Variants in WDPCP observed in about 807,000 individuals in gnomAD.
WDPCP encodes WD repeat containing planar cell polarity effector.
In WDPCP, 71 loss-of-function variants were observed where a neutral mutation model predicts 93.1. That is an observed-to-expected ratio of 0.76 (90% CI 0.63 to 0.93). The LOEUF is 0.93. Among genes scored for constraint, WDPCP ranks in the 40% least tolerant of loss-of-function variants. The probability of loss-of-function intolerance (pLI) is 0.00; values close to 1 mark genes in which losing one functional copy is unlikely to be tolerated. For missense variants in WDPCP, 844 were observed against 887.4 expected, an observed-to-expected ratio of 0.95 and a Z score of 0.62; for synonymous variants, 315 against 315.0, an observed-to-expected ratio of 1.00 and a Z score of 0.00.
chr2:63,735,535 G>A (rs1021701788), intron 2 of WDPCP, among the ~76,000 whole-genome samples: 1 of 152,156 alleles, frequency 6.6e-6, no homozygotes, highest in Non-Finnish European at 1.5e-5. Context: ...ATTTTATATT[G>A]TAGCCAACAG....
intron 14 of WDPCP, chr2:63,233,506 C>T (rs1336304956): frequency 4.0e-5 from 7 of 174,330 alleles, no homozygotes; most frequent in East Asian, 3.1e-4. Context: ...TTTCTCCAAT[C>T]GGTAAAACTT....
At chr2:63,249,101 G>GGTGT (rs1379587773) in intron 14 of WDPCP, among the ~76,000 whole-genome samples, 1 of 151,494 alleles carries the variant, frequency 6.6e-6, no homozygotes, top group Non-Finnish European at 1.5e-5. Flanking sequence ...TGCCTTGTGG[G>GGTGT]GTGTGTGTGT....
At chr2:63,400,548 G>A (rs2176414) in intron 10 of WDPCP, among the ~76,000 whole-genome samples, 63,241 of 151,920 alleles carry the variant, frequency 0.42, 13,409 homozygotes, top group Non-Finnish European at 0.43. Flanking sequence ...AAACAAACCC[G>A]TTAAAAAGTA....
rs991874218 is a variant in WDPCP, at chr2:63,814,955, C to T, written n.223-1248G>A. On this transcript the variant is annotated intron_variant and non_coding_transcript_variant, in intron 1 of 4. Transcript: ENST00000467687. Reference sequence around the variant, plus strand: ...CAGAATAAACTTCCAAATTTATTTACCTAGAAGTTTCAAAGTAATTCTATT... The same window carrying T: ...CAGAATAAACTTCCAAATTTATTTATCTAGAAGTTTCAAAGTAATTCTATT... Among the ~76,000 whole-genome samples, 3 of 152,168 alleles carry T rather than the reference C, an allele frequency of 2.0e-5. No homozygotes were observed. In the East Asian group the frequency reaches 5.8e-4, roughly 29 times the overall value.
At chr2:63,301,302 G>C (rs11675647) in intron 13 of WDPCP, among the ~76,000 whole-genome samples, 119,350 of 152,164 alleles carry the variant, frequency 0.78, 47,384 homozygotes, top group East Asian at 0.96. Flanking sequence ...CAGGAAAATG[G>C]CCATTCAGTC....
At chr2:63,325,098 G>A (rs1687432368) in intron 12 of WDPCP, among the ~76,000 whole-genome samples, 1 of 152,148 alleles carries the variant, frequency 6.6e-6, no homozygotes, top group Admixed American at 6.5e-5. Flanking sequence ...CAACCTCGGG[G>A]TTCTATAATA....
chr2:63,688,874 T>A (rs959715382), intron 2 of WDPCP, among the ~76,000 whole-genome samples: 1 of 152,178 alleles, frequency 6.6e-6, no homozygotes, highest in Non-Finnish European at 1.5e-5. Context: ...GAGGTTTCTG[T>A]CCTCATGAAT....
chr2:63,684,711 T>A, intron 2 of WDPCP: 1 of 645,444 alleles, frequency 1.5e-6, no homozygotes, highest in Admixed American at 1.8e-5. Flanking sequence ...AAGCTGCGGT[T>A]TTAGATGCTT....
intron 14 of WDPCP, among the ~76,000 whole-genome samples, chr2:63,190,093 GA>G (rs1293899035): frequency 2.0e-5 from 3 of 152,072 alleles, no homozygotes; most frequent in Non-Finnish European, 4.4e-5. Flanking sequence ...ACAGGGTGGG[GA>G]GAGGGGGCAG....
chr2:63,152,189 A>T (rs932976688), intron 17 of WDPCP, among the ~76,000 whole-genome samples: 5 of 152,064 alleles, frequency 3.3e-5, no homozygotes, highest in Non-Finnish European at 4.4e-5. Context: ...ATAATTTCAA[A>T]CATATACCAA....
chr2:63,837,587 T>C, the WDPCP span, among the ~76,000 whole-genome samples: 4 of 152,344 alleles, frequency 2.6e-5, no homozygotes, highest in South Asian at 2.1e-4. Context: ...ACCACACACA[T>C]TGATGATCTG....
chr2:63,335,922 C>T (rs188262481), intron 12 of WDPCP, among the ~76,000 whole-genome samples: 45 of 152,282 alleles, frequency 3.0e-4, no homozygotes, highest in Admixed American at 2.0e-3. Context: ...GCAACGAGAG[C>T]GACCTCTGGT....
At chr2:63,616,614 G>A (rs1709675543) in intron 3 of WDPCP, among the ~76,000 whole-genome samples, 1 of 152,170 alleles carries the variant, frequency 6.6e-6, no homozygotes, top group South Asian at 2.1e-4. Context: ...TGCCAATAAT[G>A]TTGATTAGTG....
rs181597568 is a variant in WDPCP at position 63,390,911 on chromosome 2, C to A, written c.1436-8817G>T. ...AGGCAATAATTAATAGCCTACCAAC[C>A]AAAAAGTGTCCAGAACCAGACGGAT... On this transcript the variant is annotated intron_variant, in intron 10 of 17. Coordinates refer to ENST00000272321, the MANE Select transcript of WDPCP (RefSeq NM_015910.7). Among the ~76,000 whole-genome samples, 210 of 152,156 alleles carry A rather than the reference C, an allele frequency of 1.4e-3. No individual in the cohort carries two copies. In the Middle Eastern group the frequency reaches 0.017, roughly 12 times the overall value.
Position 63,676,528 on chromosome 2 carries a change from CA to C in WDPCP, n.309-25691del, listed in dbSNP as rs544733748. Among the ~76,000 whole-genome samples the C allele has an allele frequency of 9.2e-5, 14 of 151,564 alleles. No individual in the cohort carries two copies. In the East Asian group the frequency reaches 2.7e-3, roughly 29 times the overall value. On this transcript the variant is annotated intron_variant and non_coding_transcript_variant, in intron 2 of 4. Transcript: ENST00000467687. The stretch of plus-strand genomic sequence containing the variant: ...AAAAATTTATCAGTGCCCCATAGTT[CA>C]AAAAATCTCTACAAAATTATGCTGA...
intron 3 of WDPCP, among the ~76,000 whole-genome samples, chr2:63,631,486 AAAC>A (rs1311870207): frequency 6.6e-6 from 1 of 152,118 alleles, no homozygotes; most frequent in East Asian, 1.9e-4. Flanking sequence ...GAAAATAGAA[AAAC>A]AATAGGGAGA....
chr2:63,237,420 T>G (rs1679495003), intron 14 of WDPCP, among the ~76,000 whole-genome samples: 1 of 152,128 alleles, frequency 6.6e-6, no homozygotes, highest in African/African-American at 2.4e-5. Flanking sequence ...GAAAGCAGTT[T>G]GGAGATTTCT....
At chr2:63,362,244 A>G (rs1328253762) in intron 12 of WDPCP, among the ~76,000 whole-genome samples, 2 of 76,206 alleles carry the variant, frequency 2.6e-5, no homozygotes, top group Non-Finnish European at 5.2e-5. Flanking sequence ...ATCCTGGTAA[A>G]ATCGGTAGAA....
intron 14 of WDPCP, among the ~76,000 whole-genome samples, chr2:63,213,425 T>C (rs536045801): frequency 1.4e-4 from 21 of 152,218 alleles, no homozygotes; most frequent in Middle Eastern, 3.4e-3. Context: ...TTGAAACCAA[T>C]GAGAACAAAC....
Sources: gnomAD v4.1 joint callset for allele counts (sites outside exome capture counted in the v4.1 genomes callset) on GRCh38, gnomAD v4.1.1 for gene constraint, MANE v1.5 for transcripts, NCBI Gene and HGNC (gene_info 2026-07-23, HGNC 2026-07-21) for gene names.